Variants in SCAPER observed in about 807,000 individuals in gnomAD.
SCAPER encodes S phase cyclin A-associated protein in the endoplasmic reticulum.
SCAPER carries 98 observed loss-of-function variants against 182.2 expected under a neutral mutation model. The observed-to-expected ratio is 0.54, with a 90% CI of 0.46 to 0.64. SCAPER has a LOEUF of 0.64. SCAPER is among the 30% of genes least tolerant of loss of function. The pLI is 0.00. For missense variants in SCAPER, 1,432 were observed against 1,690.0 expected (o/e 0.85, Z 2.68); for synonymous variants, 605 against 564.6 (o/e 1.07, Z -1.01).
intron 5 of SCAPER, among the ~76,000 whole-genome samples, chr15:76,813,367 A>G (rs1243231627): frequency 6.6e-6 from 1 of 151,720 alleles, no homozygotes; most frequent in East Asian, 1.9e-4. Context: ...ACATAATAAC[A>G]CTTTTCATCT....
chr15:76,696,652 GA>G (rs1265169683), intron 20 of SCAPER, among the ~76,000 whole-genome samples: 7 of 151,970 alleles, frequency 4.6e-5, no homozygotes, highest in African/African-American at 1.7e-4. Context: ...GCAACTTCTA[GA>G]AAAGATACTA....
chr15:76,579,265 C>CAAA (rs71143342), intron 22 of SCAPER, among the ~76,000 whole-genome samples: 1,218 of 49,388 alleles, frequency 0.025, 255 homozygotes, highest in African/African-American at 0.062. Flanking sequence ...GACTCTGTCT[C>CAAA]AAAAAAAAAA....
intron 6 of SCAPER, among the ~76,000 whole-genome samples, chr15:76,801,754 T>C (rs1056546681): frequency 6.6e-6 from 1 of 152,054 alleles, no homozygotes; most frequent in Non-Finnish European, 1.5e-5. Context: ...GCCCTATGTC[T>C]ACTAAAAATA....
chr15:76,594,110 A>G (rs2049328043), intron 22 of SCAPER, among the ~76,000 whole-genome samples: 1 of 119,968 alleles, frequency 8.3e-6, no homozygotes, highest in South Asian at 2.6e-4. Flanking sequence ...AACTAGAATA[A>G]CCAGTTTAGA....
intron 23 of SCAPER, among the ~76,000 whole-genome samples, chr15:76,518,477 A>T (rs1314531440): frequency 6.6e-6 from 1 of 152,206 alleles, no homozygotes; most frequent in Non-Finnish European, 1.5e-5. Context: ...TCCTGTTAGC[A>T]AGTACTGGGT....
intron 8 of SCAPER, among the ~76,000 whole-genome samples, chr15:76,785,178 T>C (rs2064487265): frequency 6.6e-6 from 1 of 151,810 alleles, no homozygotes; most frequent in South Asian, 2.1e-4. Flanking sequence ...TTAAACAAAT[T>C]TACAAGAAAA....
At chr15:76,488,788 G>T (rs900524540) in intron 24 of SCAPER, among the ~76,000 whole-genome samples, 1 of 134,652 alleles carries the variant, frequency 7.4e-6, no homozygotes, top group African/African-American at 2.9e-5. Flanking sequence ...TGAAGTGGTG[G>T]GATCTTGGTT....
intron 8 of SCAPER, among the ~76,000 whole-genome samples, chr15:76,789,534 G>C (rs1298427923): frequency 6.6e-6 from 1 of 152,082 alleles, no homozygotes; most frequent in Non-Finnish European, 1.5e-5. Context: ...AGTCAAGAGA[G>C]GAGTATATCA....
intron 24 of SCAPER, among the ~76,000 whole-genome samples, chr15:76,492,926 T>C (rs1304450684): frequency 6.7e-6 from 1 of 149,000 alleles, no homozygotes. Context: ...AGAGTATGAG[T>C]TGTGGATGAA....
chr15:76,550,811 A>G (rs2045704226), intron 23 of SCAPER, among the ~76,000 whole-genome samples: 1 of 152,106 alleles, frequency 6.6e-6, no homozygotes, highest in Non-Finnish European at 1.5e-5. Flanking sequence ...ATTTCCACCA[A>G]CAGTGTAAAA....
chr15:76,602,644 T>C (rs2050005682), intron 22 of SCAPER, among the ~76,000 whole-genome samples: 1 of 121,300 alleles, frequency 8.2e-6, no homozygotes, highest in African/African-American at 2.5e-5. Context: ...TCAGTCATGA[T>C]TGTTTCAAAT....
At chr15:76,439,318 A>G (rs2142631784) in intron 25 of SCAPER, among the ~76,000 whole-genome samples, 1 of 152,270 alleles carries the variant, frequency 6.6e-6, no homozygotes, top group African/African-American at 2.4e-5. Context: ...GCCTCAAGCA[A>G]TCCGACCACC....
chr15:76,533,561 A>G (rs536506813), intron 23 of SCAPER, among the ~76,000 whole-genome samples: 2 of 152,182 alleles, frequency 1.3e-5, no homozygotes, highest in Admixed American at 6.5e-5. Context: ...TGTTTGCACA[A>G]CGATGACGCT....
chr15:76,615,569 C>T (rs1433060807), intron 22 of SCAPER, among the ~76,000 whole-genome samples: 1 of 150,720 alleles, frequency 6.6e-6, no homozygotes, highest in Non-Finnish European at 1.5e-5. Flanking sequence ...ACCTGTAATC[C>T]CAGCACTTTG....
chr15:76,703,341 C>G (rs771881110), intron 18 of SCAPER, among the ~76,000 whole-genome samples: 7 of 152,144 alleles, frequency 4.6e-5, no homozygotes, highest in Non-Finnish European at 7.3e-5. Flanking sequence ...ACTCAATGCA[C>G]CTAGCTTTTA....
chr15:76,808,524 C>T (rs1341079700), intron 5 of SCAPER, among the ~76,000 whole-genome samples: 1 of 152,172 alleles, frequency 6.6e-6, no homozygotes, highest in Non-Finnish European at 1.5e-5. Context: ...AGGTAGGGCT[C>T]CAGCAGATCT....
intron 8 of SCAPER, among the ~76,000 whole-genome samples, chr15:76,792,586 C>A (rs949786199): frequency 6.6e-6 from 1 of 152,190 alleles, no homozygotes; most frequent in Non-Finnish European, 1.5e-5. Context: ...GACTTAGAAG[C>A]CTTGCAGCTT....
At chr15:76,665,572 C>CT in intron 21 of SCAPER, 81 bp downstream of exon 21, 1 of 1,450,918 alleles carries the variant, frequency 6.9e-7, no homozygotes, top group Admixed American at 2.8e-5. Context: ...CAACTTTAAA[C>CT]TTTTTTTGTC....
chr15:76,885,183 T>A (rs2073775281), intron 1 of SCAPER, among the ~76,000 whole-genome samples: 1 of 152,228 alleles, frequency 6.6e-6, no homozygotes, highest in Non-Finnish European at 1.5e-5. Flanking sequence ...TCAGTAAAGC[T>A]ATTATATTTT....
Sources: allele counts gnomAD v4.1 joint callset (sites outside exome capture counted in the v4.1 genomes callset), GRCh38; gene constraint gnomAD v4.1.1; transcripts MANE v1.5; gene names NCBI Gene and HGNC (gene_info 2026-07-23, HGNC 2026-07-21).